The following ANO1 variants were observed in gnomAD, a reference collection of about 807,000 sequenced individuals.
ANO1 encodes the protein anoctamin 1, also known as anoctamin-1.
Under a neutral mutation model 124.0 loss-of-function variants are expected in ANO1, and 59 were observed. That is an observed-to-expected ratio of 0.48 (90% CI 0.39 to 0.59). The LOEUF is 0.59. Among genes scored for constraint, ANO1 ranks in the 20% least tolerant of loss-of-function variants. The pLI, the probability that ANO1 is intolerant of heterozygous loss-of-function variation, is 0.00. For missense variants in ANO1, 1,059 were observed against 1,328.0 expected (o/e 0.80, Z 3.15); for synonymous variants, 529 against 532.0 (o/e 0.99, Z 0.08).
chr11:70,091,907 C>T lies in ANO1; in HGVS notation c.441+3823C>T, dbSNP rs563459837. On this transcript the variant is annotated intron_variant, in intron 2 of 25. Transcript: ENST00000355303. ...CAGATGGGCTTGGCTGAGTGCACAA[C>T]GGGGCCAGTTCTTGGAGATCGGATA... Among the ~76,000 whole-genome samples, 6 of 152,304 alleles carry T rather than the reference C, an allele frequency of 3.9e-5. No individual in the cohort carries two copies. The East Asian group carries it at 5.8e-4, about 15-fold the overall frequency.
intron 1 of ANO1, among the ~76,000 whole-genome samples, chr11:70,057,129 T>C (rs1857454593): frequency 6.6e-6 from 1 of 152,088 alleles, no homozygotes. Flanking sequence ...TTTTACTTTG[T>C]TTTGTTTCTG....
At position 70,155,873 on chromosome 11, in the gene ANO1, T is replaced by G. The variant is rs769447203; in HGVS notation, c.1426-38T>G. ...GCGGTCTGCGGTGCCGCCTCCCACT[T>G]CACCGCACGGTGCTCTCTTTCCCCC... On this transcript the variant is annotated intron_variant, in intron 14 of 25. Transcript: ENST00000355303. 5 of 1,516,084 alleles carry G rather than the reference T, an allele frequency of 3.3e-6. No individual in the cohort carries two copies. The South Asian group carries it at 6.2e-5, about 19-fold the overall frequency. The allele number at this position is 1,516,084 out of a possible 1,614,324, so 93.9% of individuals were successfully genotyped here.
At chr11:70,039,927 G>C (rs1171629637) in intron 1 of ANO1, among the ~76,000 whole-genome samples, 1 of 152,074 alleles carries the variant, frequency 6.6e-6, no homozygotes, top group Non-Finnish European at 1.5e-5. Context: ...TGAAATTCAG[G>C]GTCTAAAGAA....
At chr11:69,994,108 C>T (rs1239469854) in intron 1 of ANO1, among the ~76,000 whole-genome samples, 1 of 151,358 alleles carries the variant, frequency 6.6e-6, no homozygotes, top group Non-Finnish European at 1.5e-5. Flanking sequence ...CGTTAACCCC[C>T]CCCCACAGTC....
intron 1 of ANO1, among the ~76,000 whole-genome samples, chr11:70,009,463 T>C (rs1856551421): frequency 6.6e-6 from 1 of 152,194 alleles, no homozygotes; most frequent in Admixed American, 6.5e-5. Context: ...CTTCTTTCCC[T>C]GGACCTGAGT....
At chr11:70,146,368 G>A (rs564180920) in intron 11 of ANO1, among the ~76,000 whole-genome samples, 31 of 152,128 alleles carry the variant, frequency 2.0e-4, no homozygotes, top group Non-Finnish European at 4.0e-4. Context: ...GCTAGTGCAC[G>A]GATACCTCCT....
intron 1 of ANO1, among the ~76,000 whole-genome samples, chr11:70,081,948 G>A (rs563652201): frequency 1.3e-5 from 2 of 152,314 alleles, no homozygotes; most frequent in African/African-American, 4.8e-5. Context: ...CACCTTCCAG[G>A]AGTACCTCCC....
chr11:70,006,208 G>A (rs1856479144), intron 1 of ANO1, among the ~76,000 whole-genome samples: 1 of 152,182 alleles, frequency 6.6e-6, no homozygotes, highest in South Asian at 2.1e-4. Context: ...GTTGTCCAGT[G>A]AGCAGGAACT....
At chr11:70,147,059 A>T (rs1256866409) in intron 11 of ANO1, among the ~76,000 whole-genome samples, 1 of 152,238 alleles carries the variant, frequency 6.6e-6, no homozygotes. Context: ...GTTGACACTC[A>T]ATACAAACCA....
Position 70,103,061 on chromosome 11 carries a change from T to C in ANO1, c.442-5T>C. On this transcript the variant is annotated splice_region_variant and splice_polypyrimidine_tract_variant and intron_variant, in intron 2 of 25. Transcript: ENST00000355303. ...CTCAACCCAGAACTTTCCTTCTCTC[T>C]CCAGACTAAAATCCACGGAGTCGGG... 2 of 1,607,660 alleles carry C rather than the reference T, an allele frequency of 1.2e-6. No homozygotes were observed. Among genetic ancestry groups the C allele is most frequent in the South Asian group, 2.2e-5 (2 of 89,564 alleles).
chr11:70,128,133 A>G (rs1565228918), intron 10 of ANO1, among the ~76,000 whole-genome samples: 1 of 152,214 alleles, frequency 6.6e-6, no homozygotes, highest in African/African-American at 2.4e-5. Flanking sequence ...TGATGTTTTG[A>G]TACATGAATA....
intron 1 of ANO1, among the ~76,000 whole-genome samples, chr11:70,071,541 T>G (rs782403463): frequency 6.6e-5 from 10 of 152,178 alleles, no homozygotes; most frequent in African/African-American, 2.4e-4. Context: ...AAATAAGATA[T>G]GCCGTAAAGT....
At chr11:70,089,055 C>T (rs533794403) in intron 2 of ANO1, among the ~76,000 whole-genome samples, 6 of 152,326 alleles carry the variant, frequency 3.9e-5, no homozygotes, top group East Asian at 1.9e-4. Context: ...CTTCCTTCAG[C>T]GGCTCTGCTG....
At chr11:70,149,933 AC>A in intron 12 of ANO1, 141 bp downstream of exon 12, 1 of 811,992 alleles carries the variant, frequency 1.2e-6, no homozygotes, top group Non-Finnish European at 2.0e-6. Context: ...CCCATCCCCC[AC>A]CCCCTGCCTG....
At chr11:70,165,667 A>C (rs1312600730) in intron 20 of ANO1, 97 bp downstream of exon 20, 1 of 948,360 alleles carries the variant, frequency 1.1e-6, no homozygotes, top group South Asian at 1.6e-5. Flanking sequence ...GCGGGGCCTC[A>C]ACCAAGATGG....
chr11:70,181,114 C>G (rs1200074429), intron 23 of ANO1, among the ~76,000 whole-genome samples: 2 of 152,236 alleles, frequency 1.3e-5, no homozygotes, highest in African/African-American at 2.4e-5. Flanking sequence ...GACATGAAAA[C>G]CCGAGGCAGC....
intron 1 of ANO1, among the ~76,000 whole-genome samples, chr11:70,025,473 G>T (rs1345993208): frequency 2.6e-5 from 4 of 151,800 alleles, no homozygotes; most frequent in African/African-American, 9.7e-5. Flanking sequence ...GATGGTGATG[G>T]TGGTGATGGA....
upstream of ANO1, among the ~76,000 whole-genome samples, chr11:69,983,216 G>C (rs1007300806): frequency 6.6e-6 from 1 of 151,954 alleles, no homozygotes; most frequent in Non-Finnish European, 1.5e-5. Flanking sequence ...GGGTAGGTCT[G>C]TGCCTACCCC....
chr11:70,144,071 G>T (rs879361605), intron 11 of ANO1, among the ~76,000 whole-genome samples: 7 of 152,138 alleles, frequency 4.6e-5, no homozygotes, highest in South Asian at 2.1e-4. Context: ...CAGATTTCAG[G>T]GGGGCTGGGC....
Sources: gnomAD v4.1 joint callset for allele counts (sites outside exome capture counted in the v4.1 genomes callset) on GRCh38, gnomAD v4.1.1 for gene constraint, MANE v1.5 for transcripts, NCBI Gene and HGNC (gene_info 2026-07-23, HGNC 2026-07-21) for gene names.